Variants in FSTL4 observed in about 807,000 individuals in gnomAD.
FSTL4 encodes the protein follistatin-related protein 4.
Under a neutral mutation model 78.2 loss-of-function variants are expected in FSTL4, and 28 were observed. The ratio of observed to expected loss-of-function variants is 0.36; its 90% CI spans 0.27 to 0.49. FSTL4 has a LOEUF of 0.49. Ranked by LOEUF, FSTL4 falls within the 20% of genes least tolerant of loss-of-function variation. The probability of loss-of-function intolerance (pLI) is 0.98; values close to 1 mark genes in which losing one functional copy is unlikely to be tolerated. For synonymous variants in FSTL4, 422 were observed against 440.5 expected (o/e 0.96, Z 0.53); for missense variants, 922 against 1,084.9 (o/e 0.85, Z 2.11).
intron 3 of FSTL4, among the ~76,000 whole-genome samples, chr5:133,486,549 G>A (rs893899750): frequency 6.6e-6 from 1 of 152,150 alleles, no homozygotes; most frequent in African/African-American, 2.4e-5. Context: ...GAGGAGATAA[G>A]TTGAAGAAAA....
At chr5:133,265,931 A>G (rs977689246) in intron 6 of FSTL4, among the ~76,000 whole-genome samples, 1 of 152,166 alleles carries the variant, frequency 6.6e-6, no homozygotes, top group Non-Finnish European at 1.5e-5. Context: ...TACCACCCAC[A>G]CGATGGGGGA....
chr5:133,254,473 G>C (rs1752335220), intron 6 of FSTL4, among the ~76,000 whole-genome samples: 1 of 152,232 alleles, frequency 6.6e-6, no homozygotes, highest in African/African-American at 2.4e-5. Context: ...GCCACCTCCA[G>C]GGGCAGGGAC....
chr5:133,513,104 A>G (rs1369050704), intron 3 of FSTL4, among the ~76,000 whole-genome samples: 1 of 152,182 alleles, frequency 6.6e-6, no homozygotes, highest in African/African-American at 2.4e-5. Context: ...TACAGGCATG[A>G]GCCACTGTGC....
At chr5:133,255,101 G>C (rs560373078) in intron 6 of FSTL4, among the ~76,000 whole-genome samples, 3 of 152,342 alleles carry the variant, frequency 2.0e-5, no homozygotes, top group African/African-American at 4.8e-5. Context: ...ATGTGGGAAG[G>C]TTTCCAAGGT....
At chr5:133,679,285 C>T in the FSTL4 span, among the ~76,000 whole-genome samples, 1 of 152,174 alleles carries the variant, frequency 6.6e-6, no homozygotes. Flanking sequence ...TCAGCATAAA[C>T]CACATTCTCG....
At chr5:133,781,365 TTGTGTGTGTGTGTGTG>T in the FSTL4 span, among the ~76,000 whole-genome samples, 3,720 of 143,396 alleles carry the variant, frequency 0.026, 120 homozygotes, top group African/African-American at 0.081. Context: ...TGTTAAGCGG[TTGTGTGTGTGTGTGTG>T]TGTGTGTGTG....
chr5:133,322,829 T>C (rs953038664), intron 4 of FSTL4, among the ~76,000 whole-genome samples: 22 of 152,190 alleles, frequency 1.4e-4, no homozygotes, highest in African/African-American at 5.3e-4. Context: ...GCAAGTGTTA[T>C]GGGGAATCGT....
At chr5:133,787,649 C>T in the FSTL4 span, among the ~76,000 whole-genome samples, 5 of 150,534 alleles carry the variant, frequency 3.3e-5, no homozygotes, top group Non-Finnish European at 7.4e-5. Context: ...GAGTCCAACA[C>T]TCAGAGCAAC....
chr5:133,806,687 G>T, the FSTL4 span, among the ~76,000 whole-genome samples: 2 of 152,216 alleles, frequency 1.3e-5, no homozygotes, highest in Non-Finnish European at 2.9e-5. Context: ...GCGGATGGAG[G>T]ATAGGAAGTG....
At chr5:133,591,029 T>C (rs565094229) in intron 2 of FSTL4, among the ~76,000 whole-genome samples, 1 of 152,252 alleles carries the variant, frequency 6.6e-6, no homozygotes. Flanking sequence ...GGATTAAGTT[T>C]CCAACACATG....
chr5:133,612,959 C>T (rs533768032), upstream of FSTL4, among the ~76,000 whole-genome samples: 3 of 152,308 alleles, frequency 2.0e-5, no homozygotes, highest in South Asian at 6.2e-4. The surrounding 1 kb of genome is among the most constrained non-coding windows in gnomAD (Gnocchi z 6.2). Flanking sequence ...GGGTGAAATC[C>T]CCCGCCGTTG....
At chr5:133,730,347 T>A in the FSTL4 span, among the ~76,000 whole-genome samples, 3 of 152,236 alleles carry the variant, frequency 2.0e-5, no homozygotes, top group South Asian at 6.2e-4. Context: ...CTGTGTCTTA[T>A]TAAGCCCCTT....
At chr5:133,286,992 C>G (rs1158531506) in intron 6 of FSTL4, among the ~76,000 whole-genome samples, 1 of 152,196 alleles carries the variant, frequency 6.6e-6, no homozygotes, top group Non-Finnish European at 1.5e-5. Flanking sequence ...ACCCTTGACT[C>G]TAGGCAGCCC....
chr5:133,537,916 C>T (rs1232070286), intron 3 of FSTL4, among the ~76,000 whole-genome samples: 2 of 151,542 alleles, frequency 1.3e-5, no homozygotes, highest in African/African-American at 2.4e-5. Flanking sequence ...TATATAAACA[C>T]AGTACATACA....
chr5:133,593,476 AT>A (rs1352020499), intron 2 of FSTL4, among the ~76,000 whole-genome samples: 1 of 152,048 alleles, frequency 6.6e-6, no homozygotes, highest in East Asian at 2.0e-4. Context: ...ATTCAGCACT[AT>A]GTCCATCCTA....
chr5:133,643,014 G>GAA, the FSTL4 span, among the ~76,000 whole-genome samples: 1 of 152,170 alleles, frequency 6.6e-6, no homozygotes, highest in South Asian at 2.1e-4. Context: ...CTTAGAAAAT[G>GAA]TATGTCTATT....
At chr5:133,802,930 G>T in the FSTL4 span, among the ~76,000 whole-genome samples, 1 of 152,216 alleles carries the variant, frequency 6.6e-6, no homozygotes, top group South Asian at 2.1e-4. Context: ...ATATACATAG[G>T]TGTGGAGAGG....
the FSTL4 span, among the ~76,000 whole-genome samples, chr5:133,745,956 T>C: frequency 1.3e-5 from 2 of 152,246 alleles, no homozygotes; most frequent in Non-Finnish European, 2.9e-5. Context: ...GTTAATGATT[T>C]CAAGGCACCA....
intron 3 of FSTL4, among the ~76,000 whole-genome samples, chr5:133,525,804 G>T (rs761850092): frequency 2.6e-4 from 40 of 152,330 alleles, no homozygotes; most frequent in South Asian, 2.1e-3. Flanking sequence ...CAGCTGACCA[G>T]TGCAGGACTC....
Sources: allele counts gnomAD v4.1 joint callset (sites outside exome capture counted in the v4.1 genomes callset), GRCh38; gene constraint gnomAD v4.1.1; non-coding constraint Gnocchi (gnomAD v3.1); transcripts MANE v1.5; gene names NCBI Gene and HGNC (gene_info 2026-07-23, HGNC 2026-07-21).